The following OXNAD1 variants were observed in gnomAD, a reference collection of about 807,000 sequenced individuals.
OXNAD1 encodes the protein oxidoreductase NAD-binding domain-containing protein 1.
Under a neutral mutation model 32.9 loss-of-function variants are expected in OXNAD1, and 34 were observed. The observed-to-expected ratio is 1.03, with a 90% CI of 0.79 to 1.38. The LOEUF is 1.38. Among genes scored for constraint, OXNAD1 ranks in the 40% most tolerant of loss-of-function variants. The pLI is 0.00. For synonymous variants in OXNAD1, 134 were observed against 135.2 expected (o/e 0.99, Z 0.06); for missense variants, 407 against 379.4 (o/e 1.07, Z -0.60).
rs79874167 is a variant in OXNAD1 at position 16,320,848 on chromosome 3, T to C, written c.*31-16264T>C. ...GGGCCACAGTACTGATTTCCATCTT[T>C]GTCTTCAGAGTCATACAAAACTAGA... On this transcript the variant is annotated intron_variant, in intron 9 of 9. Transcript: ENST00000435829. The surrounding 1 kb of genome is among the most constrained non-coding windows in gnomAD (Gnocchi z 4.5). Among the ~76,000 whole-genome samples, 2,914 of 152,326 alleles carry C rather than the reference T, an allele frequency of 0.019. 81 individuals carry two copies. Among genetic ancestry groups the C allele is most frequent in the East Asian group, 0.1 (538 of 5,180 alleles).
chr3:16,335,927 A>T lies in OXNAD1; in HGVS notation c.*31-1185A>T, dbSNP rs690267. 0.67 allele frequency among the ~76,000 whole-genome samples: 101,545 copies of T among 152,122 alleles called. 34,081 individuals are homozygous for T. The highest frequency in any genetic ancestry group is 0.7 in the African/African-American group (29,201 of 41,514). The stretch of plus-strand genomic sequence containing the variant: ...AGGAGGGAAGTGGCCGACAGCAAGG[A>T]CTGGTGGCAGCTGCTAGTGCAGAGG... On this transcript the variant is annotated intron_variant, in intron 9 of 9. Transcript: ENST00000435829. This position sits in a 1 kb window ranked among gnomAD's most constrained non-coding sequence, Gnocchi z 4.7.
In OXNAD1 at chr3:16,302,541, C is replaced by A. The variant is rs1000250047; in HGVS notation, c.676-99C>A. On this transcript the variant is annotated intron_variant, in intron 7 of 8. Transcript: ENST00000285083. The surrounding 1 kb of genome is among the most constrained non-coding windows in gnomAD (Gnocchi z 4.2). ...CTAAGTAGAGAGCGAGAGCGGCAGA[C>A]GTGTGCAGAATGGGAGTTGAGGTTC... 1.3e-6 allele frequency: 1 copy of A among 760,214 alleles called. No individual in the cohort carries two copies. Among genetic ancestry groups the A allele is most frequent in the Non-Finnish European group, 2.2e-6 (1 of 444,864 alleles). 47.1% of individuals were successfully genotyped at this position (760,214 alleles called of 1,614,324 possible). A position where few individuals can be genotyped will look rare whatever the true frequency, so the allele number is the denominator to read the frequency against.
At chr3:16,309,630 T>C (rs111355132), downstream of OXNAD1, among the ~76,000 whole-genome samples, 2 of 151,296 alleles carry the variant, frequency 1.3e-5, no homozygotes, top group Admixed American at 1.3e-4. Flanking sequence ...TCTTAGAGAC[T>C]ATAGAAGCCC....
Position 16,302,801 on chromosome 3 carries a change from C to T in OXNAD1, c.784+53C>T. ...TCTCCATGCAGTTATTTGATGGACA[C>T]ACCAGTTGGTTGAGCGTAGATGCTT... On this transcript the variant is annotated intron_variant, in intron 8 of 8. Transcript: ENST00000285083. This position sits in a 1 kb window ranked among gnomAD's most constrained non-coding sequence, Gnocchi z 4.2. The T allele has an allele frequency of 7.3e-7, 1 of 1,361,282 alleles. No homozygotes were observed. The highest frequency in any genetic ancestry group is 1.8e-5 in the Admixed American group (1 of 55,344). 84.3% of individuals were successfully genotyped at this position (1,361,282 alleles called of 1,614,324 possible).
rs1036794182 is a variant in OXNAD1 at position 16,348,307 on chromosome 3, C to G, written c.*31-869C>G. On this transcript the variant is annotated intron_variant, in intron 9 of 9. Coordinates refer to the OXNAD1 transcript ENST00000606098. The surrounding 1 kb of genome is among the most constrained non-coding windows in gnomAD (Gnocchi z 6.3). ...GCGTCTAGGAGATCACCCACATTAT[C>G]TATTATTGAAGGCATCTAGGAGATC... Among the ~76,000 whole-genome samples, 49 of 152,006 alleles carry G rather than the reference C, an allele frequency of 3.2e-4. No individual in the cohort carries two copies. Among genetic ancestry groups the G allele is most frequent in the Non-Finnish European group, 6.6e-4 (45 of 68,002 alleles).
At chr3:16,269,082 T>C in intron 1 of OXNAD1, 44 bp from the exon 2 acceptor site, 1 of 1,398,496 alleles carries the variant, frequency 7.2e-7, no homozygotes, top group Non-Finnish European at 9.2e-7. Flanking sequence ...GTGCTTTTGA[T>C]CAGTTCCCCA....
In OXNAD1 at chr3:16,277,580, A is replaced by T. The variant is rs145415156; in HGVS notation, c.183+5858A>T. The stretch of plus-strand genomic sequence containing the variant: ...AAGGATACGATGCCATCTGGATTTT[A>T]CAAAGAGGAAGCAGGGCCTAGGACA... On this transcript the variant is annotated intron_variant, in intron 4 of 8. Coordinates refer to ENST00000285083, the MANE Select transcript of OXNAD1 (RefSeq NM_138381.5). This position sits in a 1 kb window ranked among gnomAD's most constrained non-coding sequence, Gnocchi z 4.3. 1.1e-3 allele frequency among the ~76,000 whole-genome samples: 164 copies of T among 152,350 alleles called. No homozygotes were observed. The highest frequency in any genetic ancestry group is 3.4e-3 in the Middle Eastern group (1 of 294).
downstream of OXNAD1, among the ~76,000 whole-genome samples, chr3:16,306,914 A>G (rs527241613): frequency 1.4e-3 from 31 of 21,916 alleles, no homozygotes; most frequent in South Asian, 0.04. Flanking sequence ...ATCCAATATA[A>G]TGGTCTTCAT....
intron 9 of OXNAD1, chr3:16,326,714 A>T (rs1478697030): frequency 5.4e-6 from 7 of 1,305,350 alleles, no homozygotes; most frequent in South Asian, 4.9e-5. Context: ...CTCATTAGGA[A>T]CAGTGACTAG....
rs78695850 is a variant in OXNAD1 at position 16,336,388 on chromosome 3, G to C, written c.*31-724G>C. The stretch of plus-strand genomic sequence containing the variant: ...CCCATGGAGGTGAGGTGGAGGGAGG[G>C]AGAAGGGAAGGGGCGACCTGCTGCT... On this transcript the variant is annotated intron_variant, in intron 9 of 9. Transcript: ENST00000435829. This position sits in a 1 kb window ranked among gnomAD's most constrained non-coding sequence, Gnocchi z 6.0. Among the ~76,000 whole-genome samples, 1 of 152,310 alleles carries C rather than the reference G, an allele frequency of 6.6e-6. No homozygotes were observed. The highest frequency in any genetic ancestry group is 2.1e-4 in the South Asian group (1 of 4,824).
In OXNAD1 at chr3:16,327,810, GA is replaced by G. The variant is rs567970455; in HGVS notation, c.*31-9301del. ...AACTTCAGCCCCCTGCTAGCACAGG[GA>G]GAGAGCCCTGATGTGAGGCCCCTGC... On this transcript the variant is annotated intron_variant, in intron 9 of 9. Coordinates refer to the OXNAD1 transcript ENST00000435829. The surrounding 1 kb of genome is among the most constrained non-coding windows in gnomAD (Gnocchi z 4.2). Among the ~76,000 whole-genome samples the G allele has an allele frequency of 1.7e-3, 246 of 146,284 alleles. No individual in the cohort carries two copies. The highest frequency in any genetic ancestry group is 6.2e-3 in the African/African-American group (240 of 38,940).
rs2070046963 is a variant in OXNAD1 at position 16,329,222 on chromosome 3, C to A, written c.*31-7890C>A. ...AGGCCCTCACAAGATGCCAGGCCCT[C>A]GACCTTGGACTTCCCAGCCTCCAGG... On this transcript the variant is annotated intron_variant, in intron 9 of 9. Transcript: ENST00000435829. This position sits in a 1 kb window ranked among gnomAD's most constrained non-coding sequence, Gnocchi z 4.5. Among the ~76,000 whole-genome samples, 1 of 152,214 alleles carries A rather than the reference C, an allele frequency of 6.6e-6. No homozygotes were observed. Among genetic ancestry groups the A allele is most frequent in the Non-Finnish European group, 1.5e-5 (1 of 68,040 alleles).
rs2064921413 is a variant in OXNAD1 at position 16,271,321 on chromosome 3, A to G, written c.119+250A>G. On this transcript the variant is annotated intron_variant, in intron 3 of 8. Coordinates refer to ENST00000285083, the MANE Select transcript of OXNAD1 (RefSeq NM_138381.5). This position sits in a 1 kb window ranked among gnomAD's most constrained non-coding sequence, Gnocchi z 4.6. ...TGGATTCAAGTGATTCTCCTGTCTT[A>G]GCCTCCCGAGTAGCTGGGATTACAG... 5.5e-6 allele frequency: 3 copies of G among 547,000 alleles called. No individual in the cohort carries two copies. Among genetic ancestry groups the G allele is most frequent in the East Asian group, 6.4e-5 (2 of 31,124 alleles). 33.9% of individuals were successfully genotyped at this position (547,000 alleles called of 1,614,324 possible).
rs1215009090 is a variant in OXNAD1 at position 16,348,816 on chromosome 3, C to G, written c.*31-360C>G. 6.6e-6 allele frequency among the ~76,000 whole-genome samples: 1 copy of G among 152,176 alleles called. No homozygotes were observed. On this transcript the variant is annotated intron_variant, in intron 9 of 9. Transcript: ENST00000606098. The surrounding 1 kb of genome is among the most constrained non-coding windows in gnomAD (Gnocchi z 6.3). ...ATGGATTAAGTCCAGCCCACCTGCC[C>G]CACTGGGAAGCAGGAGGACTGGTTT...
intron 9 of OXNAD1, among the ~76,000 whole-genome samples, chr3:16,319,674 G>C (rs1207936464): frequency 1.3e-5 from 2 of 152,304 alleles, no homozygotes; most frequent in Non-Finnish European, 2.9e-5. Context: ...GTTTCCTGTA[G>C]AAGATCACAT....
In OXNAD1 at chr3:16,298,762, G is replaced by A. The variant is rs1344177729; in HGVS notation, c.433-2864G>A. Among the ~76,000 whole-genome samples, 1 of 152,152 alleles carries A rather than the reference G, an allele frequency of 6.6e-6. No individual in the cohort carries two copies. The highest frequency in any genetic ancestry group is 1.5e-5 in the Non-Finnish European group (1 of 68,030). ...AAAGGGTTCTAGACAGCTATTGTGT[G>A]CTCAGCTCCAGTTGCTGTGGAAAGG... is the stretch of plus-strand genomic sequence containing the variant. On this transcript the variant is annotated intron_variant, in intron 6 of 8. Transcript: ENST00000285083. The surrounding 1 kb of genome is among the most constrained non-coding windows in gnomAD (Gnocchi z 5.1).
At chr3:16,272,120 G>A (rs1488574921) in intron 4 of OXNAD1, 2 of 427,960 alleles carry the variant, frequency 4.7e-6, no homozygotes, top group African/African-American at 2.1e-5. Context: ...ACATCTCAAA[G>A]TTCTTGTTCT....
At chr3:16,323,591 C>G (rs1211953088) in intron 9 of OXNAD1, 1 of 602,798 alleles carries the variant, frequency 1.7e-6, no homozygotes, top group Non-Finnish European at 2.9e-6. Context: ...GAGACGCCTG[C>G]TCTACTCTTC....
rs1045555284 is a variant in OXNAD1 at position 16,270,998 on chromosome 3, GTTGGAGCCATCCGTA to G, written c.50_64del (p.Gly17_Ile21del). 6.2e-7 allele frequency: 1 copy of G among 1,614,078 alleles called. No homozygotes were observed. The highest frequency in any genetic ancestry group is 8.5e-7 in the Non-Finnish European group (1 of 1,180,044). On this transcript the variant is annotated inframe_deletion, in exon 3 of 9. Transcript: ENST00000285083. Reference sequence around the variant, plus strand: ...GATTCCTGGGTTGTTGCGGTGCTCTGTTGGAGCCATCCGTATTGAGGCTGCGTCACTGAGATTGAC... The same window carrying G: ...GATTCCTGGGTTGTTGCGGTGCTCTGTTGAGGCTGCGTCACTGAGATTGAC...
Sources: allele counts gnomAD v4.1 joint callset (sites outside exome capture counted in the v4.1 genomes callset), GRCh38; gene constraint gnomAD v4.1.1; non-coding constraint Gnocchi (gnomAD v3.1); transcripts MANE v1.5; gene names NCBI Gene and HGNC (gene_info 2026-07-23, HGNC 2026-07-21).